Variants in EPS15 observed in about 807,000 individuals in gnomAD.
EPS15 encodes epidermal growth factor receptor substrate 15.
EPS15 carries 72 observed loss-of-function variants against 113.8 expected under a neutral mutation model. That is an observed-to-expected ratio of 0.63 (90% CI 0.52 to 0.77). EPS15 has a LOEUF of 0.77. Among genes scored for constraint, EPS15 ranks in the 30% least tolerant of loss-of-function variants. The pLI is 0.00. For missense variants in EPS15, 1,048 were observed against 1,045.8 expected (o/e 1.00, Z -0.03); for synonymous variants, 344 against 363.4 (o/e 0.95, Z 0.61).
chr1:51,432,623 T>C (rs1391104091), intron 12 of EPS15, among the ~76,000 whole-genome samples: 1 of 152,140 alleles, frequency 6.6e-6, no homozygotes, highest in African/African-American at 2.4e-5. Flanking sequence ...ATCCAGTATA[T>C]TTTATACTAA....
rs1170520047 is a variant in EPS15, at chr1:51,465,327, C to CT, written c.310-2dup. 1 of 1,602,812 alleles carries CT rather than the reference C, an allele frequency of 6.2e-7. No homozygotes were observed. The highest frequency in any genetic ancestry group is 8.5e-7 in the Non-Finnish European group (1 of 1,172,132). On this transcript the variant is annotated splice_acceptor_variant, in intron 5 of 24. Transcript: ENST00000371733. LOFTEE classifies it high-confidence loss of function. ...TTAGCAAAGGACTACTGGTATCATG[C>CT]TATAGAAGAAAGTAAAGCACAACAA... is the stretch of plus-strand genomic sequence containing the variant.
chr1:51,393,676 T>C (rs1169424196), intron 21 of EPS15, among the ~76,000 whole-genome samples: 1 of 152,272 alleles, frequency 6.6e-6, no homozygotes, highest in Non-Finnish European at 1.5e-5. Flanking sequence ...CCTCAAATTT[T>C]CTGCTCTCCC....
At chr1:51,394,123 A>G in intron 21 of EPS15, 1 of 251,680 alleles carries the variant, frequency 4.0e-6, no homozygotes. Flanking sequence ...TTTATAAAGC[A>G]AAACATTTTT....
At chr1:51,501,546 C>G (rs535284134) in intron 1 of EPS15, among the ~76,000 whole-genome samples, 1 of 151,884 alleles carries the variant, frequency 6.6e-6, no homozygotes, top group East Asian at 2.0e-4. Context: ...GTGGTGCAAT[C>G]TAAGCTCACT....
intron 1 of EPS15, among the ~76,000 whole-genome samples, chr1:51,514,853 C>T (rs1310148156): frequency 1.3e-5 from 2 of 152,140 alleles, no homozygotes; most frequent in African/African-American, 2.4e-5. Flanking sequence ...CTGAGTATAT[C>T]GAACCATAAT....
At position 51,409,737 on chromosome 1, in the gene EPS15, G is replaced by T. The variant is rs548957731; in HGVS notation, c.1114-41C>A. On this transcript the variant is annotated intron_variant, in intron 13 of 24. Transcript: ENST00000371733. ...ATTAATATATTTATTTTCTTTGCGG[G>T]CAGGGGAGGGTTAAGTTAGTAATTT... 3.6e-6 allele frequency: 5 copies of T among 1,392,984 alleles called. No homozygotes were observed. In the East Asian group the frequency reaches 1.1e-4, roughly 32 times the overall value. The allele number at this position is 1,392,984 out of a possible 1,614,324, so 86.3% of individuals were successfully genotyped here. A position where few individuals can be genotyped will look rare whatever the true frequency, so the allele number is the denominator to read the frequency against.
chr1:51,449,621 C>G (rs1480001466), intron 8 of EPS15, among the ~76,000 whole-genome samples: 1 of 150,946 alleles, frequency 6.6e-6, no homozygotes, highest in Admixed American at 6.6e-5. Context: ...CTATATTAGG[C>G]TAAGTTTCTT....
At chr1:51,514,896 C>T (rs574324654) in intron 1 of EPS15, among the ~76,000 whole-genome samples, 1 of 152,170 alleles carries the variant, frequency 6.6e-6, no homozygotes, top group Non-Finnish European at 1.5e-5. Flanking sequence ...CATTAATGTG[C>T]CTTTCCCATT....
intron 19 of EPS15, among the ~76,000 whole-genome samples, chr1:51,399,474 C>T (rs1300861660): frequency 6.7e-6 from 1 of 150,098 alleles, no homozygotes; most frequent in African/African-American, 2.5e-5. Flanking sequence ...CTCACTTGAA[C>T]CTGTGAGGCA....
intron 1 of EPS15, among the ~76,000 whole-genome samples, chr1:51,495,524 GAA>G (rs1644310531): frequency 6.6e-6 from 1 of 151,696 alleles, no homozygotes; most frequent in Admixed American, 6.6e-5. Context: ...AACATTTTAA[GAA>G]ATATGCCCAT....
chr1:51,512,843 CTT>C (rs59750666), intron 1 of EPS15, among the ~76,000 whole-genome samples: 150 of 118,664 alleles, frequency 1.3e-3, no homozygotes, highest in African/African-American at 3.8e-3. Context: ...TGAGCAATAT[CTT>C]TTTTTTTTTT....
chr1:51,472,831 T>C (rs1273590912), intron 3 of EPS15, 28 bp downstream of exon 3: 3 of 1,515,958 alleles, frequency 2.0e-6, no homozygotes, highest in Non-Finnish European at 2.7e-6. Context: ...TACAAACTTA[T>C]AATCTAGTTA....
At chr1:51,449,760 G>A (rs1183091522) in intron 8 of EPS15, among the ~76,000 whole-genome samples, 3 of 151,602 alleles carry the variant, frequency 2.0e-5, no homozygotes, top group Non-Finnish European at 4.4e-5. Flanking sequence ...GGAAGGGGTG[G>A]GGGTGGCTAG....
At chr1:51,514,779 T>G (rs1318327317) in intron 1 of EPS15, among the ~76,000 whole-genome samples, 1 of 152,174 alleles carries the variant, frequency 6.6e-6, no homozygotes, top group Non-Finnish European at 1.5e-5. Context: ...TGACAACCTC[T>G]CCCAAGTGCT....
intron 14 of EPS15, 82 bp downstream of exon 14, chr1:51,409,453 A>G: frequency 7.4e-7 from 1 of 1,355,008 alleles, no homozygotes; most frequent in Middle Eastern, 1.9e-4. Flanking sequence ...ATCAATAACA[A>G]AAAGTAGAGA....
intron 24 of EPS15, among the ~76,000 whole-genome samples, chr1:51,357,391 A>AATATATATAT (rs869072153): frequency 2.1e-4 from 14 of 65,728 alleles, no homozygotes; most frequent in South Asian, 4.7e-4. Context: ...AAAAAAAAAA[A>AATATATATAT]ATATATATAT....
intron 15 of EPS15, 78 bp downstream of exon 15, chr1:51,408,057 G>T: frequency 8.0e-7 from 1 of 1,245,066 alleles, no homozygotes; most frequent in Non-Finnish European, 1.2e-6. Flanking sequence ...GGTTGAAGGA[G>T]CAGAAGTTGG....
intron 1 of EPS15, among the ~76,000 whole-genome samples, chr1:51,505,771 G>A (rs1644488743): frequency 6.6e-6 from 1 of 151,884 alleles, no homozygotes; most frequent in Non-Finnish European, 1.5e-5. Context: ...AGTAAACAAT[G>A]TTTAAATATT....
chr1:51,442,490 C>G (rs1188050129), intron 11 of EPS15, among the ~76,000 whole-genome samples: 1 of 152,044 alleles, frequency 6.6e-6, no homozygotes, highest in Non-Finnish European at 1.5e-5. Context: ...AGTGACACCC[C>G]AGATACTGAA....
Sources: gnomAD v4.1 joint callset for allele counts (sites outside exome capture counted in the v4.1 genomes callset) on GRCh38, gnomAD v4.1.1 for gene constraint, MANE v1.5 for transcripts, NCBI Gene and HGNC (gene_info 2026-07-23, HGNC 2026-07-21) for gene names.